XRRA1: variants seen among roughly 807,000 people sequenced by gnomAD.
XRRA1 encodes X-ray radiation resistance associated 1, also known as X-ray radiation resistance-associated protein 1.
Under a neutral mutation model 80.2 loss-of-function variants are expected in XRRA1, and 69 were observed. That is an observed-to-expected ratio of 0.86 (90% CI 0.71 to 1.05). The LOEUF is 1.05. Ranked by LOEUF, XRRA1 falls within the 50% of genes least tolerant of loss-of-function variation. The pLI is 0.00. For synonymous variants in XRRA1, 348 were observed against 389.9 expected, an observed-to-expected ratio of 0.89 and a Z score of 1.27; for missense variants, 967 against 976.4, an observed-to-expected ratio of 0.99 and a Z score of 0.13.
intron 8 of XRRA1, among the ~76,000 whole-genome samples, chr11:74,916,543 T>G (rs1938743400): frequency 6.6e-6 from 1 of 152,198 alleles, no homozygotes; most frequent in Non-Finnish European, 1.5e-5. Context: ...GATATTTCCA[T>G]TTTGTTAATA....
chr11:74,932,823 G>A (rs1461923088), intron 5 of XRRA1, among the ~76,000 whole-genome samples: 1 of 152,198 alleles, frequency 6.6e-6, no homozygotes, highest in South Asian at 2.1e-4. Context: ...GAAAACATGA[G>A]TGCTAAATGA....
intron 15 of XRRA1, 97 bp from the exon 16 acceptor site, chr11:74,845,368 C>G (rs2135350110): frequency 1.5e-6 from 2 of 1,324,722 alleles, no homozygotes; most frequent in Non-Finnish European, 2.1e-6. Flanking sequence ...TCTGCTGGGC[C>G]CTGTTAAGGG....
chr11:74,940,241 G>T (rs1169618003), intron 3 of XRRA1, among the ~76,000 whole-genome samples: 1 of 152,134 alleles, frequency 6.6e-6, no homozygotes, highest in South Asian at 2.1e-4. Flanking sequence ...AAATCTACCT[G>T]GCAGAGTCGA....
At chr11:74,918,759 G>A (rs2138813769) in intron 8 of XRRA1, 1 of 152,370 alleles carries the variant, frequency 6.6e-6, no homozygotes, top group East Asian at 1.9e-4. Context: ...CCAATAGAAG[G>A]GATTCATGAG....
intron 10 of XRRA1, among the ~76,000 whole-genome samples, chr11:74,874,448 AC>A (rs1157607171): frequency 6.6e-6 from 1 of 152,078 alleles, no homozygotes; most frequent in African/African-American, 2.4e-5. Flanking sequence ...AAGCCCGAGG[AC>A]CAGCTCAACA....
intron 10 of XRRA1, among the ~76,000 whole-genome samples, chr11:74,893,746 C>T (rs1012828954): frequency 1.3e-4 from 20 of 152,104 alleles, no homozygotes; most frequent in African/African-American, 4.8e-4. Flanking sequence ...AAAAAAACAA[C>T]AGATGCTGTC....
chr11:74,886,667 T>C (rs2049109606), intron 10 of XRRA1, among the ~76,000 whole-genome samples: 1 of 152,192 alleles, frequency 6.6e-6, no homozygotes, highest in Non-Finnish European at 1.5e-5. Context: ...TCAATGCTAT[T>C]CCTATCAAAC....
chr11:74,853,885 A>G lies in XRRA1; in HGVS notation c.1171-1803T>C, dbSNP rs114198329. On this transcript the variant is annotated intron_variant, in intron 12 of 18. Coordinates refer to ENST00000684022, the MANE Select transcript of XRRA1 (RefSeq NM_001378157.1). ...GGGCTGGAAATGCAAGTAGGGGCCA[A>G]ACAAAAGGTGGTTTAAGATTTGGGT... Among the ~76,000 whole-genome samples, 515 of 152,298 alleles carry G rather than the reference A, an allele frequency of 3.4e-3. 6 individuals carry two copies. The highest frequency in any genetic ancestry group is 0.012 in the African/African-American group (493 of 41,542).
intron 5 of XRRA1, among the ~76,000 whole-genome samples, chr11:74,931,114 CT>C (rs1943442976): frequency 7.4e-6 from 1 of 135,180 alleles, no homozygotes; most frequent in East Asian, 2.1e-4. Flanking sequence ...GCTCCCATAT[CT>C]TTTTTTATGC....
chr11:74,947,042 C>T (rs986787329), intron 1 of XRRA1, among the ~76,000 whole-genome samples: 5 of 151,946 alleles, frequency 3.3e-5, no homozygotes, highest in Admixed American at 2.6e-4. Context: ...TGAGCCTGTA[C>T]TTATCTCTTT....
At chr11:74,878,973 T>C (rs1183249911) in intron 10 of XRRA1, among the ~76,000 whole-genome samples, 3 of 150,820 alleles carry the variant, frequency 2.0e-5, no homozygotes, top group African/African-American at 7.3e-5. Flanking sequence ...ATATGAACTT[T>C]AAAGTAGTTT....
chr11:74,868,396 A>C (rs990825337), intron 10 of XRRA1, among the ~76,000 whole-genome samples: 3 of 152,226 alleles, frequency 2.0e-5, no homozygotes, highest in African/African-American at 7.2e-5. Flanking sequence ...CTTGGAAAGA[A>C]AAGACTGTTA....
chr11:74,926,596 C>T (rs944205712), intron 7 of XRRA1, among the ~76,000 whole-genome samples: 3 of 152,232 alleles, frequency 2.0e-5, no homozygotes, highest in South Asian at 4.1e-4. Context: ...ATATGTTGTC[C>T]TTTACTACTG....
intron 10 of XRRA1, among the ~76,000 whole-genome samples, chr11:74,868,566 C>A (rs2044005762): frequency 6.6e-6 from 1 of 152,002 alleles, no homozygotes; most frequent in Non-Finnish European, 1.5e-5. Flanking sequence ...AATAAAGAAG[C>A]AAGACCTGAT....
intron 10 of XRRA1, among the ~76,000 whole-genome samples, chr11:74,873,546 T>C (rs2045368627): frequency 6.6e-6 from 1 of 152,184 alleles, no homozygotes; most frequent in Non-Finnish European, 1.5e-5. Context: ...CTCAGGGATT[T>C]TGAGACAGTC....
At chr11:74,892,343 C>G (rs916964226) in intron 10 of XRRA1, among the ~76,000 whole-genome samples, 43 of 152,224 alleles carry the variant, frequency 2.8e-4, no homozygotes, top group South Asian at 6.2e-4. Flanking sequence ...GGGAAAACTG[C>G]CTAGCCATAT....
rs544284678 is a variant in XRRA1 at position 74,841,832 on chromosome 11, T to C, written c.*1368A>G. 2.6e-5 allele frequency: 4 copies of C among 152,350 alleles called. No homozygotes were observed. The highest frequency in any genetic ancestry group is 2.1e-4 in the South Asian group (1 of 4,828). The allele number at this position is 152,350 out of a possible 1,614,324, so 9.4% of individuals were successfully genotyped here. A position where few individuals can be genotyped will look rare whatever the true frequency, so the allele number is the denominator to read the frequency against. On this transcript the variant is annotated 3_prime_UTR_variant, in exon 19 of 19. Transcript: ENST00000684022. ...CCAGATTAATATAGCAGCAGGCAGA[T>C]TGCCCCTTCTTGGGGCCACCACCCT...
intron 15 of XRRA1, among the ~76,000 whole-genome samples, chr11:74,846,963 G>A (rs896307617): frequency 6.1e-5 from 9 of 147,970 alleles, no homozygotes; most frequent in Non-Finnish European, 1.0e-4. Flanking sequence ...ATAATTGATT[G>A]TATTGCTTTG....
intron 10 of XRRA1, among the ~76,000 whole-genome samples, chr11:74,864,349 CA>C (rs1420472503): frequency 1.3e-5 from 2 of 152,130 alleles, no homozygotes; most frequent in Non-Finnish European, 2.9e-5. Flanking sequence ...TGCAAAAAGG[CA>C]GAGAGAAGAT....
Sources: allele counts gnomAD v4.1 joint callset (sites outside exome capture counted in the v4.1 genomes callset), GRCh38; gene constraint gnomAD v4.1.1; transcripts MANE v1.5; gene names NCBI Gene and HGNC (gene_info 2026-07-23, HGNC 2026-07-21).